The following WDR3 variants were observed in gnomAD, a reference collection of about 807,000 sequenced individuals.
WDR3 encodes WD repeat-containing protein 3.
A neutral mutation model predicts 123.7 loss-of-function variants in WDR3; 81 were observed. The ratio of observed to expected loss-of-function variants is 0.65; its 90% confidence interval spans 0.55 to 0.79. The LOEUF is 0.79. Ranked by LOEUF, WDR3 falls within the 30% of genes least tolerant of loss-of-function variation. WDR3 has a pLI of 0.00. For missense variants in WDR3, 1,027 were observed against 1,123.2 expected (o/e 0.91, Z 1.22); for synonymous variants, 390 against 388.8 (o/e 1.00, Z -0.04).
At chr1:117,940,059 G>A (rs1456474282) in intron 6 of WDR3, among the ~76,000 whole-genome samples, 2 of 152,176 alleles carry the variant, frequency 1.3e-5, no homozygotes, top group Non-Finnish European at 2.9e-5. Context: ...ACATTAGTAG[G>A]CTAGGGGTTA....
At chr1:117,951,008 T>C in intron 16 of WDR3, 118 bp downstream of exon 16, 1 of 737,648 alleles carries the variant, frequency 1.4e-6, no homozygotes, top group Non-Finnish European at 2.2e-6. Flanking sequence ...TTCTGTTATA[T>C]ATCTTTCTCC....
intron 6 of WDR3, 63 bp downstream of exon 6, chr1:117,939,635 A>G: frequency 6.7e-7 from 1 of 1,484,078 alleles, no homozygotes; most frequent in Non-Finnish European, 9.4e-7. Context: ...TTGGATTTAG[A>G]ATCAGATGTA....
At chr1:117,948,732 A>AT (rs1048876753) in intron 13 of WDR3, among the ~76,000 whole-genome samples, 1 of 151,780 alleles carries the variant, frequency 6.6e-6, no homozygotes. Context: ...TACCATCATG[A>AT]TTTTTTTGCC....
At chr1:117,953,047 A>G in intron 20 of WDR3, 51 bp downstream of exon 20, 1 of 1,579,398 alleles carries the variant, frequency 6.3e-7, no homozygotes, top group Non-Finnish European at 8.6e-7. Context: ...TAGTTATCTT[A>G]TTGAAATTGA....
intron 1 of WDR3, among the ~76,000 whole-genome samples, chr1:117,932,968 A>G (rs1184428402): frequency 1.0e-4 from 15 of 148,710 alleles, no homozygotes; most frequent in Non-Finnish European, 1.9e-4. Context: ...GCCGTGGCGG[A>G]TGGATCACTT....
chr1:117,948,592 G>GT (rs11370392), intron 13 of WDR3, 86 bp downstream of exon 13: 221,639 of 563,684 alleles, frequency 0.39, 14,635 homozygotes, highest in South Asian at 0.41. Context: ...AAAGCCTGAG[G>GT]TTTTTTTTTT....
chr1:117,956,993 G>A (rs1236900962), intron 24 of WDR3, 75 bp from the exon 25 acceptor site: 11 of 1,294,168 alleles, frequency 8.5e-6, no homozygotes, highest in Non-Finnish European at 1.0e-5. Flanking sequence ...AATAATAAAG[G>A]GAAGGATTTA....
Position 117,963,031 on chromosome 1 carries a change from T to C in WDR3, c.*3584T>C, listed in dbSNP as rs1404235924. 6.6e-6 allele frequency: 1 copy of C among 152,196 alleles called. No individual in the cohort carries two copies. Among genetic ancestry groups the C allele is most frequent in the Non-Finnish European group, 1.5e-5 (1 of 68,048 alleles). The allele number at this position is 152,196 out of a possible 1,614,324, so 9.4% of individuals were successfully genotyped here. A position where few individuals can be genotyped will look rare whatever the true frequency, so the allele number is the denominator to read the frequency against. ...GAGATGGGGCTAAGGTTCTTAAAGG[T>C]AGTATCACCATATATTCAAGTCCTT... On this transcript the variant is annotated 3_prime_UTR_variant, in exon 27 of 27. Transcript: ENST00000349139.
At chr1:117,939,451 T>C in intron 5 of WDR3, 26 bp from the exon 6 acceptor site, 1 of 1,603,724 alleles carries the variant, frequency 6.2e-7, no homozygotes, top group Non-Finnish European at 8.5e-7. Context: ...AAAATCGTAT[T>C]ACTCAAATCT....
chr1:117,966,009 A>G lies in WDR3; in HGVS notation c.*6562A>G, dbSNP rs374647085. The G allele has an allele frequency of 6.6e-6, 1 of 152,198 alleles. No homozygotes were observed. Among genetic ancestry groups the G allele is most frequent in the East Asian group, 1.9e-4 (1 of 5,198 alleles). 9.4% of individuals were successfully genotyped at this position (152,198 alleles called of 1,614,324 possible). ...TAAGATCCAGCTCAAAAATCAAATA[A>G]ATAGAGAACTGTAACACAAGCAGCA... On this transcript the variant is annotated 3_prime_UTR_variant, in exon 27 of 27. Coordinates refer to ENST00000349139, the MANE Select transcript of WDR3 (RefSeq NM_006784.3).
rs1293550402 is a variant in WDR3, at chr1:117,953,359, CTG to C, written c.2203-115_2203-114del. 5.1e-6 allele frequency: 5 copies of C among 982,562 alleles called. No individual in the cohort carries two copies. In the Admixed American group the frequency reaches 6.8e-5, roughly 13 times the overall value. The allele number at this position is 982,562 out of a possible 1,614,324, so 60.9% of individuals were successfully genotyped here. A position where few individuals can be genotyped will look rare whatever the true frequency, so the allele number is the denominator to read the frequency against. On this transcript the variant is annotated intron_variant, in intron 20 of 26. Transcript: ENST00000349139. ...GTTCTGTTACTGGTAGCTGATAACACTGTTAGTATTTTCATAAAATAATAATA... is the reference window on the plus strand; with the variant it reads ...GTTCTGTTACTGGTAGCTGATAACACTTAGTATTTTCATAAAATAATAATA...
intron 24 of WDR3, 123 bp from the exon 25 acceptor site, chr1:117,956,945 C>G: frequency 1.3e-6 from 1 of 777,768 alleles, no homozygotes; most frequent in South Asian, 2.7e-5. Flanking sequence ...ATATTTAACT[C>G]TAGGCAAGAT....
At chr1:117,948,688 CT>C (rs1311929184) in intron 13 of WDR3, among the ~76,000 whole-genome samples, 182 bp downstream of exon 13, 7 of 151,118 alleles carry the variant, frequency 4.6e-5, no homozygotes, top group Non-Finnish European at 5.9e-5. Flanking sequence ...TGTTTGGCTA[CT>C]TTTGCTTATC....
rs1202701655 is a variant in WDR3, at chr1:117,960,819, T to C, written c.*1372T>C. The stretch of plus-strand genomic sequence containing the variant: ...ACCATGTATGATCTGTATTTGTGTG[T>C]GTTAATGTTGATAATAGATTTGCGT... On this transcript the variant is annotated 3_prime_UTR_variant, in exon 27 of 27. Coordinates refer to ENST00000349139, the MANE Select transcript of WDR3 (RefSeq NM_006784.3). 1 of 152,260 alleles carries C rather than the reference T, an allele frequency of 6.6e-6. No homozygotes were observed. The highest frequency in any genetic ancestry group is 1.5e-5 in the Non-Finnish European group (1 of 68,050). The allele number at this position is 152,260 out of a possible 1,614,324, so 9.4% of individuals were successfully genotyped here. A position where few individuals can be genotyped will look rare whatever the true frequency, so the allele number is the denominator to read the frequency against.
intron 9 of WDR3, among the ~76,000 whole-genome samples, chr1:117,942,075 T>G (rs1212063019): frequency 6.6e-6 from 1 of 152,208 alleles, no homozygotes; most frequent in East Asian, 1.9e-4. Context: ...CATGGTTGGA[T>G]TGTTAAGTGC....
chr1:117,941,898 C>G (rs1268007810), intron 9 of WDR3, 51 bp downstream of exon 9: 1 of 1,510,764 alleles, frequency 6.6e-7, no homozygotes, highest in Non-Finnish European at 8.8e-7. Flanking sequence ...GGGTAGGCCC[C>G]ATGTTACTGA....
At position 117,960,102 on chromosome 1, in the gene WDR3, A is replaced by G. The variant is rs17037771; in HGVS notation, c.*655A>G. On this transcript the variant is annotated 3_prime_UTR_variant, in exon 27 of 27. Coordinates refer to ENST00000349139, the MANE Select transcript of WDR3 (RefSeq NM_006784.3). ...GCCTGGCTGGGCTTCTGAGGAATTA[A>G]TACACTCGTGTGTGTGTGTGTGTGT... 4,908 of 140,670 alleles carry G rather than the reference A, an allele frequency of 0.035. 267 individuals are homozygous for G. The highest frequency in any genetic ancestry group is 0.12 in the African/African-American group (4,681 of 37,686). The allele number at this position is 140,670 out of a possible 1,614,324, so 8.7% of individuals were successfully genotyped here.
At chr1:117,959,116 A>T in intron 26 of WDR3, 113 bp downstream of exon 26, 2 of 1,294,070 alleles carry the variant, frequency 1.5e-6, no homozygotes, top group Non-Finnish European at 2.1e-6. Context: ...ATAAATCCAT[A>T]TTTGAGATAG....
At chr1:117,931,316 G>A (rs1650709742) in intron 1 of WDR3, among the ~76,000 whole-genome samples, 1 of 152,196 alleles carries the variant, frequency 6.6e-6, no homozygotes, top group African/African-American at 2.4e-5. Flanking sequence ...ATTAATTGCT[G>A]TATGTAATTA....
Sources: allele counts gnomAD v4.1 joint callset (sites outside exome capture counted in the v4.1 genomes callset), GRCh38; gene constraint gnomAD v4.1.1; transcripts MANE v1.5; gene names NCBI Gene and HGNC (gene_info 2026-07-23, HGNC 2026-07-21).